Variants in VPS8 observed in about 807,000 individuals in gnomAD.
VPS8 encodes the protein VPS8 subunit of CORVET complex, also known as vacuolar protein sorting-associated protein 8 homolog.
VPS8 carries 129 observed loss-of-function variants against 216.4 expected under a neutral mutation model. That is an observed-to-expected ratio of 0.60 (90% CI 0.52 to 0.69). The LOEUF (loss-of-function observed/expected upper bound fraction) is 0.69, where lower values mean the gene tolerates loss of function less well. Among genes scored for constraint, VPS8 ranks in the 30% least tolerant of loss-of-function variants. VPS8 has a pLI of 0.00. For synonymous variants in VPS8, 571 were observed against 565.4 expected (o/e 1.01, Z -0.14); for missense variants, 1,531 against 1,683.5 (o/e 0.91, Z 1.59).
At chr3:185,019,661 G>A (rs771344168) in intron 45 of VPS8, among the ~76,000 whole-genome samples, 3 of 152,316 alleles carry the variant, frequency 2.0e-5, no homozygotes, top group Non-Finnish European at 4.4e-5. Flanking sequence ...GGTGGGCCAG[G>A]TGTTCCTTGC....
At chr3:185,017,999 A>G (rs1168394106) in intron 45 of VPS8, among the ~76,000 whole-genome samples, 3 of 151,952 alleles carry the variant, frequency 2.0e-5, no homozygotes, top group Middle Eastern at 3.2e-3. Flanking sequence ...TTTTTTCTAC[A>G]TTCTTTTTTA....
chr3:184,941,906 T>TAAA (rs1272299685), intron 36 of VPS8, among the ~76,000 whole-genome samples: 1 of 147,036 alleles, frequency 6.8e-6, no homozygotes. Flanking sequence ...TTTTTTTATT[T>TAAA]AAAAAAAAAA....
Position 184,860,458 on chromosome 3 carries a change from TACACACACATACACAC to T in VPS8, c.1224+403_1224+418del, listed in dbSNP as rs1190339358. Among the ~76,000 whole-genome samples the T allele has an allele frequency of 2.1e-3, 166 of 77,984 alleles. 1 individual carries two copies. Among genetic ancestry groups the T allele is most frequent in the Admixed American group, 7.8e-3 (51 of 6,568 alleles). The allele number at this position is 77,984 out of a possible 152,430, so 51.2% of individuals were successfully genotyped here. ...GTGTATATATATGTATATGTATGTA[TACACACACATACACAC>T]ACACACACACACACACACACACACA... On this transcript the variant is annotated intron_variant, in intron 15 of 47. Coordinates refer to ENST00000625842, the MANE Select transcript of VPS8 (RefSeq NM_001009921.3).
At chr3:184,939,289 T>A (rs990940074) in intron 35 of VPS8, among the ~76,000 whole-genome samples, 2 of 151,862 alleles carry the variant, frequency 1.3e-5, no homozygotes, top group Non-Finnish European at 2.9e-5. Flanking sequence ...AGTGAAAAAA[T>A]AGAAAATCAG....
intron 14 of VPS8, among the ~76,000 whole-genome samples, chr3:184,856,101 A>G (rs1250613223): frequency 6.6e-6 from 1 of 152,234 alleles, no homozygotes; most frequent in East Asian, 1.9e-4. Flanking sequence ...GTGTTAATGT[A>G]TGTGCAACTA....
chr3:185,047,100 C>G (rs1713096470), intron 46 of VPS8, among the ~76,000 whole-genome samples: 1 of 152,170 alleles, frequency 6.6e-6, no homozygotes, highest in Non-Finnish European at 1.5e-5. Context: ...CCTTCATTAC[C>G]CAGTTTTGCC....
chr3:185,039,528 G>GTT (rs1553913168), intron 46 of VPS8, among the ~76,000 whole-genome samples: 2 of 146,874 alleles, frequency 1.4e-5, no homozygotes, highest in Non-Finnish European at 1.5e-5. Flanking sequence ...ACACTGTGGG[G>GTT]TTTTTTTTTT....
At position 184,938,436 on chromosome 3, in the gene VPS8, T is replaced by C. The variant is rs116648934; in HGVS notation, c.2989-1761T>C. On this transcript the variant is annotated intron_variant, in intron 35 of 47. Coordinates refer to ENST00000625842, the MANE Select transcript of VPS8 (RefSeq NM_001009921.3). ...ATTGGAATGCTAATGGAGCCCAGGA[T>C]ACTGAAGTAGTACACGGAAGGACAT... Among the ~76,000 whole-genome samples, 1,087 of 152,272 alleles carry C rather than the reference T, an allele frequency of 7.1e-3. 3 individuals are homozygous for C. Among genetic ancestry groups the C allele is most frequent in the Non-Finnish European group, 0.011 (737 of 68,020 alleles).
chr3:184,839,431 G>A, intron 6 of VPS8: 1 of 363,634 alleles, frequency 2.8e-6, no homozygotes, highest in Non-Finnish European at 4.9e-6. Context: ...TTGCTTTAGA[G>A]GAAGCTAAGT....
intron 42 of VPS8, among the ~76,000 whole-genome samples, chr3:184,991,488 A>G (rs1446313882): frequency 6.6e-6 from 1 of 152,198 alleles, no homozygotes; most frequent in Non-Finnish European, 1.5e-5. Context: ...TATGTATATT[A>G]CAGTGAGATG....
intron 25 of VPS8, among the ~76,000 whole-genome samples, chr3:184,909,614 T>C (rs1736116131): frequency 6.6e-6 from 1 of 152,256 alleles, no homozygotes; most frequent in Non-Finnish European, 1.5e-5. Context: ...GTTCTTGTTT[T>C]TGTTTTCTCT....
rs569995740 is a variant in VPS8, at chr3:184,969,754, A to G, written c.3317-1895A>G. On this transcript the variant is annotated intron_variant, in intron 39 of 47. Transcript: ENST00000625842. ...CAAAAATAACTTTTCAAGACAATAC[A>G]TGAAAGACAGAAAAAAATTAAGAAG... Among the ~76,000 whole-genome samples, 42 of 151,612 alleles carry G rather than the reference A, an allele frequency of 2.8e-4. No individual in the cohort carries two copies. In the East Asian group the frequency reaches 6.1e-3, roughly 22 times the overall value.
At chr3:184,976,999 A>G (rs963500315) in intron 40 of VPS8, among the ~76,000 whole-genome samples, 3 of 152,188 alleles carry the variant, frequency 2.0e-5, no homozygotes, top group Non-Finnish European at 4.4e-5. Context: ...GCTGGGTCAA[A>G]TGGTAGTTCA....
At chr3:184,837,909 G>C (rs996106761) in intron 5 of VPS8, among the ~76,000 whole-genome samples, 1 of 152,188 alleles carries the variant, frequency 6.6e-6, no homozygotes, top group African/African-American at 2.4e-5. Flanking sequence ...AACATTGCCT[G>C]TTCTATACAT....
intron 25 of VPS8, among the ~76,000 whole-genome samples, chr3:184,908,618 T>C (rs1735920513): frequency 6.6e-6 from 1 of 152,226 alleles, no homozygotes; most frequent in Admixed American, 6.5e-5. Context: ...GTGGGGTGGC[T>C]GCCCTTTGCC....
intron 37 of VPS8, among the ~76,000 whole-genome samples, chr3:184,961,665 A>G (rs1746526793): frequency 6.9e-6 from 1 of 145,338 alleles, no homozygotes; most frequent in African/African-American, 2.5e-5. Flanking sequence ...TGCTAGTTTT[A>G]TATGTTTTTA....
intron 5 of VPS8, among the ~76,000 whole-genome samples, chr3:184,837,604 T>G (rs1433341948): frequency 6.6e-6 from 1 of 152,236 alleles, no homozygotes; most frequent in Non-Finnish European, 1.5e-5. Context: ...GCAGCCTTGC[T>G]CATTGCTTTT....
chr3:184,925,049 C>G, intron 30 of VPS8, 68 bp downstream of exon 30: 1 of 1,528,088 alleles, frequency 6.5e-7, no homozygotes, highest in Non-Finnish European at 8.8e-7. Flanking sequence ...CTGGATTACA[C>G]TGTTTCCTGA....
chr3:184,932,426 T>C (rs1317566702), intron 34 of VPS8, among the ~76,000 whole-genome samples: 1 of 152,198 alleles, frequency 6.6e-6, no homozygotes, highest in Non-Finnish European at 1.5e-5. Context: ...TGTGTTGACA[T>C]GTTATATTTT....
Sources: allele counts gnomAD v4.1 joint callset (sites outside exome capture counted in the v4.1 genomes callset), GRCh38; gene constraint gnomAD v4.1.1; transcripts MANE v1.5; gene names NCBI Gene and HGNC (gene_info 2026-07-23, HGNC 2026-07-21).